The following UNC5D variants were observed in gnomAD, a reference collection of about 807,000 sequenced individuals.
UNC5D encodes the protein unc-5 netrin receptor D, also known as netrin receptor UNC5D.
UNC5D carries 39 observed loss-of-function variants against 105.4 expected under a neutral mutation model. That is an observed-to-expected ratio of 0.37 (90% CI 0.29 to 0.48). The LOEUF is 0.48. Ranked by LOEUF, UNC5D falls within the 20% of genes least tolerant of loss-of-function variation. The probability of loss-of-function intolerance (pLI) is 0.98; values close to 1 mark genes in which losing one functional copy is unlikely to be tolerated. For synonymous variants in UNC5D, 452 were observed against 450.4 expected (o/e 1.00, Z -0.04); for missense variants, 991 against 1,202.4 (o/e 0.82, Z 2.60).
chr8:35,513,702 A>G (rs775661514), intron 1 of UNC5D, among the ~76,000 whole-genome samples: 29 of 152,286 alleles, frequency 1.9e-4, no homozygotes, highest in Non-Finnish European at 3.2e-4. Context: ...TTGAGGGGCA[A>G]GGATTTTGTC....
intron 1 of UNC5D, among the ~76,000 whole-genome samples, chr8:35,328,220 C>A (rs1585594772): frequency 1.4e-5 from 1 of 70,948 alleles, no homozygotes; most frequent in Non-Finnish European, 3.1e-5. Context: ...CAAAGATTTA[C>A]TTTATTTTAT....
chr8:35,365,917 A>G (rs1802095770), intron 1 of UNC5D, among the ~76,000 whole-genome samples: 1 of 152,218 alleles, frequency 6.6e-6, no homozygotes, highest in African/African-American at 2.4e-5. Flanking sequence ...TAACTAGGCA[A>G]TGAAAGAACT....
intron 4 of UNC5D, among the ~76,000 whole-genome samples, chr8:35,671,624 A>G (rs1199244195): frequency 6.6e-6 from 1 of 152,186 alleles, no homozygotes; most frequent in Non-Finnish European, 1.5e-5. Flanking sequence ...CTAGAAAATA[A>G]TCCATACAAG....
In UNC5D at chr8:35,684,719, C is replaced by T; in HGVS notation, c.889C>T (p.Gln297Ter). ...GGCCTTTTGTGAGGGAATGTCAGTGCAGAAAATAACCTGCACTTCTCTTTG... is the reference window on the plus strand; with the variant it reads ...GGCCTTTTGTGAGGGAATGTCAGTGTAGAAAATAACCTGCACTTCTCTTTG... Reference protein sequence around the residue: ...GGAFCEGMSVQKITCTSLCPV... With the variant: ...GGAFCEGMSV The change falls in exon 6 of 17, where the codon CAG becomes TAG. Residue 297 changes from glutamine (Q) to a stop codon, truncating the protein, a stop_gained. Transcript: ENST00000404895. LOFTEE classifies it high-confidence loss of function. The T allele has an allele frequency of 6.2e-7, 1 of 1,613,586 alleles. No individual in the cohort carries two copies. Among genetic ancestry groups the T allele is most frequent in the Non-Finnish European group, 8.5e-7 (1 of 1,179,772 alleles).
intron 1 of UNC5D, among the ~76,000 whole-genome samples, chr8:35,505,735 G>A (rs1207424305): frequency 6.6e-6 from 1 of 152,152 alleles, no homozygotes; most frequent in African/African-American, 2.4e-5. Context: ...CTGTCGAGAT[G>A]GTTTTATTTT....
At chr8:35,663,096 G>C (rs1420834245) in intron 4 of UNC5D, among the ~76,000 whole-genome samples, 1 of 152,114 alleles carries the variant, frequency 6.6e-6, no homozygotes, top group East Asian at 1.9e-4. Context: ...CCAGTCCATG[G>C]TGCCAAAAAG....
intron 1 of UNC5D, among the ~76,000 whole-genome samples, chr8:35,421,159 C>A (rs911961405): frequency 1.3e-5 from 2 of 152,134 alleles, no homozygotes; most frequent in Admixed American, 1.3e-4. Flanking sequence ...TTTATCTAAA[C>A]GTGCCTCAGT....
At chr8:35,274,786 G>T (rs1805656163) in intron 1 of UNC5D, among the ~76,000 whole-genome samples, 1 of 152,154 alleles carries the variant, frequency 6.6e-6, no homozygotes, top group Non-Finnish European at 1.5e-5. Context: ...TTGGCAAAAT[G>T]ATTTAATATA....
intron 1 of UNC5D, among the ~76,000 whole-genome samples, chr8:35,299,381 G>T (rs1445239675): frequency 6.6e-6 from 1 of 152,150 alleles, no homozygotes; most frequent in East Asian, 1.9e-4. Flanking sequence ...AAGAATAAGG[G>T]CTTCGTTTCA....
At chr8:35,298,175 CAGTAGGATCCAGGACTCTGTTACTCACAG>C (rs1311206555) in intron 1 of UNC5D, among the ~76,000 whole-genome samples, 2 of 152,142 alleles carry the variant, frequency 1.3e-5, no homozygotes, top group African/African-American at 4.8e-5. Flanking sequence ...CTCTGCACAC[CAGTAGGATCCAGGACTCTGTTACTCACAG>C]AAACACCCCC....
intron 15 of UNC5D, 27 bp downstream of exon 15, chr8:35,767,093 G>T: frequency 1.3e-6 from 2 of 1,583,972 alleles, no homozygotes; most frequent in South Asian, 1.1e-5. Context: ...CAGGTCATTT[G>T]ACCCCCTTTC....
chr8:35,495,246 G>T (rs1811475888), intron 1 of UNC5D, among the ~76,000 whole-genome samples: 1 of 152,096 alleles, frequency 6.6e-6, no homozygotes, highest in African/African-American at 2.4e-5. Flanking sequence ...GATAAGGAAA[G>T]TATGTCAAAA....
chr8:35,539,759 A>C (rs1815135220), intron 1 of UNC5D, among the ~76,000 whole-genome samples: 1 of 152,216 alleles, frequency 6.6e-6, no homozygotes, highest in Non-Finnish European at 1.5e-5. Flanking sequence ...ATATGCAGCT[A>C]AGTGGCCACA....
At chr8:35,581,774 GAAAA>G (rs200682198) in intron 3 of UNC5D, among the ~76,000 whole-genome samples, 82 of 148,666 alleles carry the variant, frequency 5.5e-4, no homozygotes, top group African/African-American at 2.0e-3. Flanking sequence ...AAAATTAAAA[GAAAA>G]AAAAAATCAT....
At chr8:35,761,671 ACTTCATTTTT>A (rs1386801109) in intron 14 of UNC5D, among the ~76,000 whole-genome samples, 1 of 152,094 alleles carries the variant, frequency 6.6e-6, no homozygotes, top group African/African-American at 2.4e-5. Flanking sequence ...TTTCATTTCC[ACTTCATTTTT>A]CTTACCCCAA....
At chr8:35,455,432 C>G (rs1222441421) in intron 1 of UNC5D, among the ~76,000 whole-genome samples, 1 of 151,978 alleles carries the variant, frequency 6.6e-6, no homozygotes, top group African/African-American at 2.4e-5. Flanking sequence ...GCAAACAACA[C>G]CACGCCTGGC....
At chr8:35,350,824 A>G (rs773928232) in intron 1 of UNC5D, among the ~76,000 whole-genome samples, 1 of 152,048 alleles carries the variant, frequency 6.6e-6, no homozygotes, top group Non-Finnish European at 1.5e-5. Flanking sequence ...TTTGATTTCC[A>G]ATCTGTGCAC....
In UNC5D at chr8:35,587,965, A is replaced by AATATATATATATATATATAT. The variant is rs57681405; in HGVS notation, c.467-7579_467-7560dup. ...TTAGGGTTTTTCCTATAACTATAAT[A>AATATATATATATATATATAT]ATATATATATATATATATATATATA... On this transcript the variant is annotated intron_variant, in intron 3 of 16. Transcript: ENST00000404895. 5.3e-3 allele frequency among the ~76,000 whole-genome samples: 556 copies of AATATATATATATATATATAT among 104,908 alleles called. 12 individuals carry two copies. Among genetic ancestry groups the AATATATATATATATATATAT allele is most frequent in the Admixed American group, 0.013 (111 of 8,708 alleles). 68.8% of individuals were successfully genotyped at this position (104,908 alleles called of 152,430 possible).
At chr8:35,570,159 G>A (rs1817622007) in intron 3 of UNC5D, among the ~76,000 whole-genome samples, 1 of 152,142 alleles carries the variant, frequency 6.6e-6, no homozygotes. Context: ...AGTATTATCG[G>A]TCCTTCTAAA....
Sources: allele counts gnomAD v4.1 joint callset (sites outside exome capture counted in the v4.1 genomes callset), GRCh38; gene constraint gnomAD v4.1.1; transcripts MANE v1.5; gene names NCBI Gene and HGNC (gene_info 2026-07-23, HGNC 2026-07-21).